Variants in PDS5A observed in about 807,000 individuals in gnomAD.
The protein encoded by PDS5A is sister chromatid cohesion protein PDS5 homolog A.
In PDS5A, 42 loss-of-function variants were observed where a neutral mutation model predicts 167.1. The ratio of observed to expected loss-of-function variants is 0.25; its 90% CI spans 0.20 to 0.33. The LOEUF is 0.33. Among genes scored for constraint, PDS5A ranks in the 10% least tolerant of loss-of-function variants. PDS5A has a pLI of 1.00. For synonymous variants in PDS5A, 553 were observed against 554.6 expected (o/e 1.00, Z 0.04); for missense variants, 1,033 against 1,605.9 (o/e 0.64, Z 6.10).
intron 16 of PDS5A, among the ~76,000 whole-genome samples, chr4:39,897,518 C>T (rs1722521887): frequency 6.6e-6 from 1 of 152,248 alleles, no homozygotes; most frequent in Admixed American, 6.5e-5. Flanking sequence ...CCTGTCTCAG[C>T]CTCTTGAGTA....
At chr4:39,948,363 G>C (rs947310075) in intron 2 of PDS5A, among the ~76,000 whole-genome samples, 4 of 133,164 alleles carry the variant, frequency 3.0e-5, no homozygotes, top group African/African-American at 1.2e-4. Flanking sequence ...TGTCACCCAG[G>C]CTGGAGTGCA....
intron 17 of PDS5A, among the ~76,000 whole-genome samples, chr4:39,884,370 T>TG (rs371458196): frequency 3.9e-5 from 6 of 152,318 alleles, no homozygotes; most frequent in African/African-American, 1.4e-4. Context: ...AGCCAAGTGG[T>TG]ACCTAGTGGC....
intron 22 of PDS5A, chr4:39,868,689 T>G (rs996158450): frequency 1.1e-5 from 5 of 454,210 alleles, no homozygotes; most frequent in African/African-American, 1.0e-4. Flanking sequence ...CAGGTTGGTC[T>G]TGAACTCTTG....
chr4:39,864,643 C>T (rs746330557), intron 23 of PDS5A, among the ~76,000 whole-genome samples: 1 of 152,160 alleles, frequency 6.6e-6, no homozygotes, highest in Non-Finnish European at 1.5e-5. Context: ...TCTTGGACAA[C>T]AGGATTGTTA....
intron 2 of PDS5A, among the ~76,000 whole-genome samples, chr4:39,958,493 C>T (rs1376521902): frequency 2.3e-5 from 3 of 130,102 alleles, no homozygotes; most frequent in Non-Finnish European, 3.1e-5. Flanking sequence ...GGCCCAAGAG[C>T]GAAACTGTGT....
Position 39,838,119 on chromosome 4 carries a change from G to C in PDS5A, c.3747C>G (p.Ile1249Met), listed in dbSNP as rs1716605320. The C allele has an allele frequency of 3.1e-6, 5 of 1,613,746 alleles. No individual in the cohort carries two copies. The highest frequency in any genetic ancestry group is 4.2e-6 in the Non-Finnish European group (5 of 1,179,790). The stretch of plus-strand genomic sequence containing the variant: ...CTACTTTCTCATCTGTTTTTTGTTG[G>C]ATATTCTCTGCACCAGCTGCTGTTA... Reference protein sequence around the residue: ...RTVTAAGAENIQQKTDEKVDE... With the variant: ...RTVTAAGAENMQQKTDEKVDE... The change falls in exon 32 of 33, where the codon ATC becomes ATG. Residue 1249 changes from isoleucine (I) to methionine (M), a missense_variant. Ile to Met is a conservative substitution (Grantham distance 10, BLOSUM62 1). Around this residue, in one of 4 missense-constraint regions of PDS5A, gnomAD observed 233 missense variants for 264.0 expected, o/e 0.88. Transcript: ENST00000303538.
At chr4:39,842,139 A>C in intron 30 of PDS5A, 83 bp from the exon 31 acceptor site, 1 of 874,438 alleles carries the variant, frequency 1.1e-6, no homozygotes, top group East Asian at 2.5e-5. Context: ...AGAAAGGCTT[A>C]GGCTGGTTTC....
chr4:39,869,932 C>A (rs915111449), intron 21 of PDS5A, among the ~76,000 whole-genome samples: 2 of 152,082 alleles, frequency 1.3e-5, no homozygotes, highest in Non-Finnish European at 2.9e-5. Flanking sequence ...CATGGCAAAA[C>A]CCTGCCTCTT....
intron 2 of PDS5A, among the ~76,000 whole-genome samples, chr4:39,930,256 T>C (rs1011188245): frequency 1.7e-5 from 2 of 116,888 alleles, no homozygotes; most frequent in African/African-American, 5.6e-5. Flanking sequence ...AGTTTTTTTG[T>C]TTTTTGTTTT....
intron 26 of PDS5A, among the ~76,000 whole-genome samples, chr4:39,856,787 G>T (rs921466630): frequency 2.0e-5 from 3 of 152,114 alleles, no homozygotes; most frequent in African/African-American, 7.2e-5. Context: ...CCGCACTCCA[G>T]CCTGGGCAAC....
At chr4:39,954,666 TAAGTA>T (rs1189749274) in intron 2 of PDS5A, among the ~76,000 whole-genome samples, 1 of 27,540 alleles carries the variant, frequency 3.6e-5, no homozygotes, top group African/African-American at 1.8e-4. Context: ...TGTCAAGAGA[TAAGTA>T]AAAAAAAAAA....
chr4:39,848,346 G>A (rs192446153), intron 28 of PDS5A: 1 of 152,732 alleles, frequency 6.5e-6, no homozygotes, highest in East Asian at 1.9e-4. Context: ...ATGGGAAACA[G>A]TTTGCTGAAA....
intron 2 of PDS5A, among the ~76,000 whole-genome samples, chr4:39,958,756 A>C: frequency 6.6e-6 from 1 of 151,928 alleles, no homozygotes; most frequent in East Asian, 1.9e-4. Flanking sequence ...TTACAGGCGC[A>C]CATCACCACC....
chr4:39,957,857 T>TA (rs1275314974), intron 2 of PDS5A, among the ~76,000 whole-genome samples: 2 of 150,330 alleles, frequency 1.3e-5, no homozygotes, highest in Admixed American at 6.6e-5. Flanking sequence ...GACATGAGGC[T>TA]AAAAAAAGAC....
At chr4:39,962,674 C>T (rs1253236910) in intron 2 of PDS5A, among the ~76,000 whole-genome samples, 1 of 151,860 alleles carries the variant, frequency 6.6e-6, no homozygotes, top group East Asian at 2.0e-4. Flanking sequence ...TGTGGTGACA[C>T]AAGCCTGTAA....
At position 39,894,445 on chromosome 4, in the gene PDS5A, T is replaced by TA. The variant is rs543990498; in HGVS notation, c.1770+3943dup. ...AAAAAATAAGTAAGTAAATAAAATT[T>TA]AAAAAAGAAGTGCAAAGGTTGAGGT... On this transcript the variant is annotated intron_variant, in intron 16 of 32. Coordinates refer to ENST00000303538, the MANE Select transcript of PDS5A (RefSeq NM_001100399.2). Among the ~76,000 whole-genome samples, 283 of 151,994 alleles carry TA rather than the reference T, an allele frequency of 1.9e-3. 4 individuals are homozygous for TA. In the East Asian group the frequency reaches 0.021, roughly 11 times the overall value.
Position 39,917,182 on chromosome 4 carries a change from T to C in PDS5A, c.742A>G (p.Asn248Asp). 6.5e-7 allele frequency: 1 copy of C among 1,546,536 alleles called. No individual in the cohort carries two copies. Among genetic ancestry groups the C allele is most frequent in the Non-Finnish European group, 8.7e-7 (1 of 1,153,870 alleles). The change falls in exon 8 of 33, where the codon AAT (asparagine) becomes GAT (aspartate). Residue 248 changes from asparagine (N) to aspartate (D), a missense_variant. Physicochemically the swap from Asn to Asp is conservative, Grantham distance 23. Transcript: ENST00000303538. Reference protein sequence around the residue: ...TIEACIANFFNQVLVLGRSSV... With the variant: ...TIEACIANFFDQVLVLGRSSV... ...GATCTTCCCAGCACCAGGACTTGAT[T>C]GAAAAACTGTAAGAGATATTAAAAA...
rs143632955 is a variant in PDS5A at position 39,932,069 on chromosome 4, T to C, written c.139-3905A>G. Among the ~76,000 whole-genome samples, 56 of 152,158 alleles carry C rather than the reference T, an allele frequency of 3.7e-4. No individual in the cohort carries two copies. The East Asian group carries it at 0.01, about 28-fold the overall frequency. ...CACCAAGTCTGGCTAAGTTTTGTAT[T>C]TTTAGTAGAGACAGGATTTCACCAC... is the stretch of plus-strand genomic sequence containing the variant. On this transcript the variant is annotated intron_variant, in intron 2 of 32. Transcript: ENST00000303538.
At chr4:39,831,316 G>T (rs1040482341) in intron 32 of PDS5A, among the ~76,000 whole-genome samples, 2 of 152,042 alleles carry the variant, frequency 1.3e-5, no homozygotes, top group Non-Finnish European at 2.9e-5. Context: ...GGCCAGGCTG[G>T]TCTTGAACTC....
Sources: allele counts gnomAD v4.1 joint callset (sites outside exome capture counted in the v4.1 genomes callset), GRCh38; gene constraint gnomAD v4.1.1; regional missense constraint gnomAD v4.1.1; transcripts MANE v1.5; gene names NCBI Gene and HGNC (gene_info 2026-07-23, HGNC 2026-07-21).